The following TBC1D9 variants were observed in gnomAD, a reference collection of about 807,000 sequenced individuals.
The protein encoded by TBC1D9 is TBC1 domain family member 9A.
Under a neutral mutation model 132.0 loss-of-function variants are expected in TBC1D9, and 63 were observed. The ratio of observed to expected loss-of-function variants is 0.48; its 90% confidence interval spans 0.39 to 0.59. TBC1D9 has a LOEUF of 0.59. Among genes scored for constraint, TBC1D9 ranks in the 20% least tolerant of loss-of-function variants. The probability of loss-of-function intolerance (pLI) is 0.00; values close to 1 mark genes in which losing one functional copy is unlikely to be tolerated. For synonymous variants in TBC1D9, 610 were observed against 609.9 expected (o/e 1.00, Z 0.00); for missense variants, 1,261 against 1,592.7 (o/e 0.79, Z 3.54).
chr4:140,742,464 G>A (rs1276544414), intron 1 of TBC1D9, among the ~76,000 whole-genome samples: 5 of 149,834 alleles, frequency 3.3e-5, no homozygotes, highest in African/African-American at 9.9e-5. Flanking sequence ...CCTGGGAGGT[G>A]GAGGTTGCAG....
At chr4:140,691,153 C>T (rs940686975) in intron 2 of TBC1D9, among the ~76,000 whole-genome samples, 31 of 152,164 alleles carry the variant, frequency 2.0e-4, no homozygotes, top group Admixed American at 1.8e-3. Flanking sequence ...TCACCATCAC[C>T]ATCTGAAGAT....
chr4:140,683,492 G>A (rs13140247), intron 3 of TBC1D9, among the ~76,000 whole-genome samples: 70,474 of 151,954 alleles, frequency 0.46, 16,839 homozygotes, highest in South Asian at 0.56. Context: ...TACAGGTTTC[G>A]CATAATATAA....
intron 13 of TBC1D9, among the ~76,000 whole-genome samples, chr4:140,656,172 T>C (rs139519502): frequency 4.8e-4 from 73 of 152,292 alleles, no homozygotes; most frequent in African/African-American, 1.7e-3. Flanking sequence ...GTAGAAGTAG[T>C]TCTCAATGTA....
Position 140,639,099 on chromosome 4 carries a change from T to C in TBC1D9, c.2492A>G (p.Tyr831Cys), listed in dbSNP as rs1467293658. 1.3e-6 allele frequency: 2 copies of C among 1,590,690 alleles called. No homozygotes were observed. Among genetic ancestry groups the C allele is most frequent in the Non-Finnish European group, 1.7e-6 (2 of 1,167,424 alleles). ...CTTGCAACTCACCTTGAAAAGAGCA[T>C]AAAGTTCTTCCAGCTCATCAATGGT... ...SFTIDELEELYALFKAEHLTS... is the reference protein window; with the variant it reads ...SFTIDELEELCALFKAEHLTS... Residue 831 changes from tyrosine (Y) to cysteine (C), a missense_variant, in exon 15 of 21, where the codon TAT becomes TGT. Physicochemically the swap from Tyr to Cys is radical, Grantham distance 194. Around this residue, in one of 3 missense-constraint regions of TBC1D9, gnomAD observed 618 missense variants for 724.4 expected, o/e 0.85. Transcript: ENST00000442267.
At chr4:140,696,554 T>C (rs1184695900) in intron 2 of TBC1D9, among the ~76,000 whole-genome samples, 1 of 151,666 alleles carries the variant, frequency 6.6e-6, no homozygotes, top group Non-Finnish European at 1.5e-5. Context: ...TTCTATATGA[T>C]TCATATTGCC....
At position 140,622,765 on chromosome 4, in the gene TBC1D9, C is replaced by T. The variant is rs751506337; in HGVS notation, c.3231G>A (p.Glu1077=). ...GKLFVAQPAK[E]GGSGGSGPSC... ...ACGGCCCACTGCCTCCGCTCCCGCC[C>T]TCCTTTGCAGGCTGGGCCACGAACA... Residue 1077 remains glutamate, a synonymous_variant, in exon 21 of 21, where the codon GAG becomes GAA. Coordinates refer to ENST00000442267, the MANE Select transcript of TBC1D9 (RefSeq NM_015130.3). 3 of 1,605,108 alleles carry T rather than the reference C, an allele frequency of 1.9e-6. No homozygotes were observed. Among genetic ancestry groups the T allele is most frequent in the Non-Finnish European group, 1.7e-6 (2 of 1,179,588 alleles).
chr4:140,733,318 G>A (rs1363175545), intron 1 of TBC1D9, among the ~76,000 whole-genome samples: 1 of 151,978 alleles, frequency 6.6e-6, no homozygotes, highest in Non-Finnish European at 1.5e-5. Context: ...AATGCCAAGA[G>A]TTATTAAATG....
At chr4:140,667,908 T>A (rs1320881132) in intron 9 of TBC1D9, among the ~76,000 whole-genome samples, 1 of 152,212 alleles carries the variant, frequency 6.6e-6, no homozygotes, top group Non-Finnish European at 1.5e-5. Flanking sequence ...TACAAAGAGC[T>A]ATAGGTTTTT....
rs534302652 is a variant in TBC1D9, at chr4:140,744,260, C to G, written c.130+11656G>C. The stretch of plus-strand genomic sequence containing the variant: ...AGCTATAGACTACTGCCCACCCCAA[C>G]ACATAGAAGTCACCAATATAAACCA... On this transcript the variant is annotated intron_variant, in intron 1 of 20. Coordinates refer to ENST00000442267, the MANE Select transcript of TBC1D9 (RefSeq NM_015130.3). Among the ~76,000 whole-genome samples the G allele has an allele frequency of 1.1e-4, 16 of 152,228 alleles. No homozygotes were observed. In the East Asian group the frequency reaches 3.1e-3, roughly 29 times the overall value.
chr4:140,736,372 C>T (rs1738673104), intron 1 of TBC1D9, among the ~76,000 whole-genome samples: 1 of 152,010 alleles, frequency 6.6e-6, no homozygotes. Flanking sequence ...GAAACCCCAT[C>T]TCTACTAAAA....
At chr4:140,685,182 T>G (rs994129314) in intron 3 of TBC1D9, among the ~76,000 whole-genome samples, 6 of 152,152 alleles carry the variant, frequency 3.9e-5, no homozygotes, top group Non-Finnish European at 7.4e-5. Flanking sequence ...AGACAGAAAT[T>G]TTGACAAGGA....
chr4:140,679,457 C>T (rs1375194198), intron 4 of TBC1D9, among the ~76,000 whole-genome samples, 158 bp downstream of exon 4: 1 of 151,802 alleles, frequency 6.6e-6, no homozygotes, highest in African/African-American at 2.4e-5. Context: ...CCATTTTGAA[C>T]TGAAAAATAA....
intron 3 of TBC1D9, among the ~76,000 whole-genome samples, chr4:140,682,403 G>T (rs750068443): frequency 6.6e-6 from 1 of 152,128 alleles, no homozygotes; most frequent in Non-Finnish European, 1.5e-5. Flanking sequence ...AGCAGGCGTT[G>T]GTAGTGTTAC....
chr4:140,654,459 A>C, intron 13 of TBC1D9, among the ~76,000 whole-genome samples: 1 of 114,078 alleles, frequency 8.8e-6, no homozygotes, highest in African/African-American at 2.9e-5. Flanking sequence ...AAAAAGGAGA[A>C]AAAGAAGAAA....
intron 2 of TBC1D9, among the ~76,000 whole-genome samples, chr4:140,686,943 C>A (rs1234588386): frequency 6.6e-6 from 1 of 152,052 alleles, no homozygotes; most frequent in East Asian, 1.9e-4. Flanking sequence ...TACTCTCACT[C>A]ACTTCAATTA....
At chr4:140,636,478 G>A (rs868494877) in intron 15 of TBC1D9, among the ~76,000 whole-genome samples, 9 of 151,902 alleles carry the variant, frequency 5.9e-5, no homozygotes, top group Non-Finnish European at 1.0e-4. Flanking sequence ...CTGCAGTCTC[G>A]ACCTCCTGGG....
At chr4:140,667,863 T>G (rs1220362957) in intron 9 of TBC1D9, among the ~76,000 whole-genome samples, 1 of 152,222 alleles carries the variant, frequency 6.6e-6, no homozygotes, top group Non-Finnish European at 1.5e-5. Context: ...TTCTGAGACA[T>G]TTATACATCT....
At chr4:140,663,974 G>A (rs1283561225) in intron 9 of TBC1D9, among the ~76,000 whole-genome samples, 3 of 146,602 alleles carry the variant, frequency 2.0e-5, no homozygotes, top group Non-Finnish European at 3.0e-5. Flanking sequence ...ATGTAATACT[G>A]TATTGTATAC....
At position 140,622,369 on chromosome 4, in the gene TBC1D9, C is replaced by G; in HGVS notation, c.3627G>C (p.Trp1209Cys). 1 of 1,613,358 alleles carries G rather than the reference C, an allele frequency of 6.2e-7. No homozygotes were observed. Residue 1209 changes from tryptophan to cysteine, a missense_variant, in exon 21 of 21, where the codon TGG (tryptophan) becomes TGC (cysteine). Around this residue, in one of 3 missense-constraint regions of TBC1D9, gnomAD observed 618 missense variants for 724.4 expected, o/e 0.85. Transcript: ENST00000442267. ...LPRSTSLDRD[W>C]AITFEQFLAS... ...CCAGGAACTGCTCGAAGGTGATGGC[C>G]CAGTCCCGGTCCAGGCTGGTGCTCC...
Sources: allele counts gnomAD v4.1 joint callset (sites outside exome capture counted in the v4.1 genomes callset), GRCh38; gene constraint gnomAD v4.1.1; regional missense constraint gnomAD v4.1.1; transcripts MANE v1.5; gene names NCBI Gene and HGNC (gene_info 2026-07-23, HGNC 2026-07-21).